STXBP4: variants seen among roughly 807,000 people sequenced by gnomAD.
The protein encoded by STXBP4 is syntaxin binding protein 4.
Under a neutral mutation model 76.1 loss-of-function variants are expected in STXBP4, and 55 were observed. That is an observed-to-expected ratio of 0.72 (90% CI 0.58 to 0.91). The LOEUF is 0.91. Among genes scored for constraint, STXBP4 ranks in the 40% least tolerant of loss-of-function variants. The pLI, the probability that STXBP4 is intolerant of heterozygous loss-of-function variation, is 0.00. For synonymous variants in STXBP4, 201 were observed against 220.2 expected, an observed-to-expected ratio of 0.91 and a Z score of 0.77; for missense variants, 618 against 636.9, an observed-to-expected ratio of 0.97 and a Z score of 0.32.
intron 4 of STXBP4, chr17:54,991,565 A>C (rs982822555): frequency 2.6e-5 from 4 of 152,058 alleles, no homozygotes; most frequent in African/African-American, 9.7e-5. Flanking sequence ...CAGTTTAACA[A>C]ACTAGTTACT....
the STXBP4 span, among the ~76,000 whole-genome samples, chr17:55,187,037 T>TA: frequency 3.9e-5 from 6 of 152,220 alleles, no homozygotes; most frequent in Non-Finnish European, 8.8e-5. Flanking sequence ...GGCGAAGAAA[T>TA]ACACGGATGT....
At chr17:55,195,591 T>C in the STXBP4 span, among the ~76,000 whole-genome samples, 1 of 152,170 alleles carries the variant, frequency 6.6e-6, no homozygotes, top group African/African-American at 2.4e-5. Flanking sequence ...GAACCACAGA[T>C]GTGTACCACA....
In STXBP4 at chr17:55,031,199, A is replaced by T. The variant is rs747150594; in HGVS notation, c.698A>T (p.Lys233Met). Residue 233 changes from lysine to methionine, a missense_variant, in exon 9 of 18, where the codon AAG (lysine) becomes ATG (methionine). Lys to Met is a moderately conservative substitution (Grantham distance 95). Transcript: ENST00000376352. ...AATTATCTTGGTATTCAGCCCACAAAGGAACAACACCAAGCCCTGAGACAG... is the reference window on the plus strand; with the variant it reads ...AATTATCTTGGTATTCAGCCCACAATGGAACAACACCAAGCCCTGAGACAG... The part of the protein sequence containing the change: ...ALNYLGIQPT[K>M]EQHQALRQQV... 6.2e-7 allele frequency: 1 copy of T among 1,613,392 alleles called. No homozygotes were observed. Among genetic ancestry groups the T allele is most frequent in the Non-Finnish European group, 8.5e-7 (1 of 1,179,476 alleles).
the STXBP4 span, among the ~76,000 whole-genome samples, chr17:55,209,686 G>C: frequency 6.6e-6 from 1 of 152,204 alleles, no homozygotes; most frequent in African/African-American, 2.4e-5. Context: ...TGCTCAACTA[G>C]TCAATGCTGT....
At chr17:55,125,865 C>G (rs1327533620) in intron 16 of STXBP4, among the ~76,000 whole-genome samples, 2 of 152,118 alleles carry the variant, frequency 1.3e-5, no homozygotes, top group Non-Finnish European at 2.9e-5. Flanking sequence ...AAGTTTGGGA[C>G]AACTGGAAAG....
intron 3 of STXBP4, among the ~76,000 whole-genome samples, chr17:54,986,989 T>C (rs2077635697): frequency 6.6e-6 from 1 of 152,192 alleles, no homozygotes; most frequent in African/African-American, 2.4e-5. Context: ...TTTCACATGG[T>C]AGCAGAAGCA....
At chr17:55,153,213 C>CT (rs1446578514) in intron 17 of STXBP4, among the ~76,000 whole-genome samples, 1 of 152,190 alleles carries the variant, frequency 6.6e-6, no homozygotes, top group Non-Finnish European at 1.5e-5. Flanking sequence ...AGTCACAAGT[C>CT]TAAGTTGGCA....
At chr17:55,046,593 T>G (rs905814620) in intron 11 of STXBP4, among the ~76,000 whole-genome samples, 6 of 151,972 alleles carry the variant, frequency 3.9e-5, no homozygotes, top group African/African-American at 1.4e-4. Context: ...TTAATCTTAA[T>G]AACTATTATT....
intron 1 of STXBP4, among the ~76,000 whole-genome samples, chr17:54,980,380 A>G (rs767550749): frequency 3.9e-5 from 6 of 152,230 alleles, no homozygotes; most frequent in Non-Finnish European, 8.8e-5. Flanking sequence ...GGTCTTGACT[A>G]CAAGTCGTCC....
chr17:55,020,270 C>T (rs185749032), intron 8 of STXBP4, among the ~76,000 whole-genome samples: 1 of 152,324 alleles, frequency 6.6e-6, no homozygotes, highest in East Asian at 1.9e-4. Flanking sequence ...CTGCTTCACT[C>T]TCTTCAACCA....
At chr17:55,102,912 G>A (rs144025016) in intron 16 of STXBP4, among the ~76,000 whole-genome samples, 97 of 152,092 alleles carry the variant, frequency 6.4e-4, no homozygotes, top group Middle Eastern at 3.4e-3. Flanking sequence ...TTTTTTGACC[G>A]CATAAATGTC....
In STXBP4 at chr17:55,164,045, G is replaced by A. The variant is rs1219081165; in HGVS notation, c.*4134G>A. On this transcript the variant is annotated 3_prime_UTR_variant, in exon 18 of 18. Transcript: ENST00000376352. ...TCAACACGCTTGACATTTTTACAAT[G>A]TACATAAAGAACTGAACTATTATTA... The A allele has an allele frequency of 6.6e-6, 1 of 152,568 alleles. No homozygotes were observed. Among genetic ancestry groups the A allele is most frequent in the Non-Finnish European group, 1.5e-5 (1 of 68,026 alleles). The allele number at this position is 152,568 out of a possible 1,614,324, so 9.5% of individuals were successfully genotyped here.
intron 3 of STXBP4, 128 bp from the exon 4 acceptor site, chr17:54,990,697 C>T: frequency 8.8e-7 from 1 of 1,133,616 alleles, no homozygotes; most frequent in Non-Finnish European, 1.2e-6. Context: ...TGAAACAAGT[C>T]CCTGGTACCA....
chr17:55,021,854 G>T (rs529219037), intron 8 of STXBP4, among the ~76,000 whole-genome samples: 110 of 152,232 alleles, frequency 7.2e-4, no homozygotes, highest in African/African-American at 2.4e-3. Context: ...CTCAAGAATA[G>T]TTTCACAATA....
chr17:55,112,154 A>G (rs939325829), intron 16 of STXBP4, among the ~76,000 whole-genome samples: 13 of 152,008 alleles, frequency 8.6e-5, no homozygotes, highest in Non-Finnish European at 1.8e-4. Context: ...TCCTGGCCTT[A>G]AGTGATCCTC....
Position 55,170,829 on chromosome 17 carries a change from T to C in STXBP4, c.*10918T>C, listed in dbSNP as rs1036788464. 4 of 152,232 alleles carry C rather than the reference T, an allele frequency of 2.6e-5. No individual in the cohort carries two copies. Among genetic ancestry groups the C allele is most frequent in the African/African-American group, 4.8e-5 (2 of 41,456 alleles). 9.4% of individuals were successfully genotyped at this position (152,232 alleles called of 1,614,324 possible). On this transcript the variant is annotated 3_prime_UTR_variant, in exon 18 of 18. Transcript: ENST00000376352. ...CATTGTGTGGTCAGATTCACTGCAT[T>C]TGATGCTTTTTCAGGATTTGTTTTT...
chr17:55,009,942 T>G (rs940534222), intron 8 of STXBP4, among the ~76,000 whole-genome samples: 1 of 152,026 alleles, frequency 6.6e-6, no homozygotes, highest in African/African-American at 2.4e-5. Flanking sequence ...GGTCCTTCTC[T>G]TTTGGTTGCT....
intron 8 of STXBP4, chr17:55,030,678 GT>G (rs946149171): frequency 6.6e-6 from 1 of 152,524 alleles, no homozygotes; most frequent in Admixed American, 6.5e-5. Context: ...AGAGAAGTAA[GT>G]GGCAGAGAAA....
chr17:55,060,122 T>TACTGAACCA (rs1381622713), intron 12 of STXBP4, among the ~76,000 whole-genome samples: 1 of 152,102 alleles, frequency 6.6e-6, no homozygotes, highest in African/African-American at 2.4e-5. Context: ...ACACCATTCA[T>TACTGAACCA]TTCATTAACA....
Sources: gnomAD v4.1 joint callset for allele counts (sites outside exome capture counted in the v4.1 genomes callset) on GRCh38, gnomAD v4.1.1 for gene constraint, MANE v1.5 for transcripts, NCBI Gene and HGNC (gene_info 2026-07-23, HGNC 2026-07-21) for gene names.